Variants in ST3GAL6 observed in about 807,000 individuals in gnomAD.
ST3GAL6 encodes the protein type 2 lactosamine alpha-2,3-sialyltransferase.
Under a neutral mutation model 40.5 loss-of-function variants are expected in ST3GAL6, and 31 were observed. The observed-to-expected ratio is 0.77, with a 90% CI of 0.58 to 1.03. ST3GAL6 has a LOEUF of 1.03. Ranked by LOEUF, ST3GAL6 falls within the 50% of genes least tolerant of loss-of-function variation. The pLI is 0.00. For missense variants in ST3GAL6, 357 were observed against 393.2 expected (o/e 0.91, Z 0.78); for synonymous variants, 129 against 136.9 (o/e 0.94, Z 0.40).
chr3:98,775,035 A>T (rs894589031), intron 5 of ST3GAL6, among the ~76,000 whole-genome samples: 2 of 152,132 alleles, frequency 1.3e-5, no homozygotes, highest in Non-Finnish European at 2.9e-5. Context: ...CAGACCTTTC[A>T]CATATGTGCT....
chr3:98,737,192 G>T (rs548119399), intron 1 of ST3GAL6, among the ~76,000 whole-genome samples: 4 of 152,176 alleles, frequency 2.6e-5, no homozygotes, highest in African/African-American at 9.6e-5. Context: ...GGGATTACAG[G>T]CATGCACCAC....
At chr3:98,754,684 T>C (rs2107357168) in intron 1 of ST3GAL6, among the ~76,000 whole-genome samples, 1 of 152,258 alleles carries the variant, frequency 6.6e-6, no homozygotes, top group East Asian at 1.9e-4. Context: ...GCAAACGTCA[T>C]TGTTTTATTT....
Position 98,788,328 on chromosome 3 carries a change from C to A in ST3GAL6, c.621C>A (p.Asn207Lys), listed in dbSNP as rs868758807. Residue 207 changes from asparagine to lysine, a missense_variant and splice_region_variant, in exon 8 of 10, where the codon AAC (asparagine) becomes AAA (lysine). Coordinates refer to ENST00000483910, the MANE Select transcript of ST3GAL6 (RefSeq NM_001323368.2). ...LLELLMGDKI[N>K]TNGFWKKPAL... ...TTCTCTATATTTTTTACTTTCAGAA[C>A]ACTAATGGTTTTTGGAAGAAACCAG... The A allele has an allele frequency of 6.2e-7, 1 of 1,604,954 alleles. No homozygotes were observed. Among genetic ancestry groups the A allele is most frequent in the South Asian group, 1.1e-5 (1 of 89,180 alleles).
upstream of ST3GAL6, chr3:98,762,827 C>G: frequency 2.0e-6 from 2 of 985,406 alleles, no homozygotes; most frequent in Non-Finnish European, 2.4e-6. Context: ...TTAAACATAT[C>G]TAGCATGGGG....
At chr3:98,791,351 A>C (rs1198240756) in intron 8 of ST3GAL6, among the ~76,000 whole-genome samples, 5 of 152,198 alleles carry the variant, frequency 3.3e-5, no homozygotes, top group Admixed American at 2.6e-4. Context: ...CCCTAGAGTT[A>C]GTTTAAATGG....
At chr3:98,761,021 A>G (rs1937699971), upstream of ST3GAL6, among the ~76,000 whole-genome samples, 1 of 152,196 alleles carries the variant, frequency 6.6e-6, no homozygotes, top group Non-Finnish European at 1.5e-5. Context: ...AAGCAAAACT[A>G]TAGTGATAGC....
intron 5 of ST3GAL6, among the ~76,000 whole-genome samples, chr3:98,778,195 C>A (rs945528700): frequency 6.6e-6 from 1 of 152,172 alleles, no homozygotes; most frequent in South Asian, 2.1e-4. Context: ...GACTAAAGCA[C>A]CTGTGTCAAG....
chr3:98,788,045 T>C lies in ST3GAL6; in HGVS notation c.441T>C (p.Asn147=), dbSNP rs1363653680. ...GTTTTACTATCCACAGAATGAATAATGGTCCTGTTTTAGGACATGAAGAAG... is the reference window on the plus strand; with the variant it reads ...GTTTTACTATCCACAGAATGAATAACGGTCCTGTTTTAGGACATGAAGAAG... ...DSYDVIIRMN[N]GPVLGHEEEV... The change falls in exon 7 of 10, where the codon AAT becomes AAC. Residue 147 remains asparagine (N), a synonymous_variant. Coordinates refer to ENST00000483910, the MANE Select transcript of ST3GAL6 (RefSeq NM_001323368.2). The C allele has an allele frequency of 2.5e-6, 4 of 1,612,748 alleles. No individual in the cohort carries two copies. The African/African-American group carries it at 4.0e-5, about 16-fold the overall frequency.
At chr3:98,786,248 A>G (rs1940693649) in intron 6 of ST3GAL6, among the ~76,000 whole-genome samples, 2 of 152,130 alleles carry the variant, frequency 1.3e-5, no homozygotes, top group Admixed American at 6.6e-5. Context: ...GAAGAGAGTG[A>G]GGACTGAGCC....
intron 8 of ST3GAL6, 106 bp from the exon 9 acceptor site, chr3:98,791,735 T>C (rs1646315318): frequency 1.9e-5 from 20 of 1,039,220 alleles, no homozygotes; most frequent in Non-Finnish European, 2.8e-5. Context: ...TCTCTCCTTA[T>C]TAAATGTTTA....
chr3:98,778,366 T>C (rs1939748923), intron 5 of ST3GAL6, among the ~76,000 whole-genome samples: 1 of 152,216 alleles, frequency 6.6e-6, no homozygotes. Context: ...ACATTAGTGG[T>C]GTATTTATTG....
At chr3:98,757,625 G>A (rs185099185) in intron 1 of ST3GAL6, among the ~76,000 whole-genome samples, 14 of 152,254 alleles carry the variant, frequency 9.2e-5, no homozygotes, top group African/African-American at 2.4e-4. Context: ...ACTCTAGTAC[G>A]TGCTTGGGTT....
chr3:98,758,083 C>T (rs1415985515), intron 1 of ST3GAL6, among the ~76,000 whole-genome samples: 2 of 152,222 alleles, frequency 1.3e-5, no homozygotes, highest in Non-Finnish European at 2.9e-5. Context: ...TAGTGACCCA[C>T]CTGCCTTGGC....
At chr3:98,788,009 A>C (rs769443461) in intron 6 of ST3GAL6, 27 bp from the exon 7 acceptor site, 1 of 1,596,058 alleles carries the variant, frequency 6.3e-7, no homozygotes, top group African/African-American at 1.3e-5. Flanking sequence ...CTTGGTCTAC[A>C]TATCTTGTAT....
chr3:98,789,119 G>A (rs568991645), intron 8 of ST3GAL6, among the ~76,000 whole-genome samples: 1 of 152,288 alleles, frequency 6.6e-6, no homozygotes, highest in Non-Finnish European at 1.5e-5. Context: ...TTTACTGGAA[G>A]CTTGAGTAAC....
At chr3:98,750,162 T>G (rs971764683) in intron 1 of ST3GAL6, among the ~76,000 whole-genome samples, 1 of 152,238 alleles carries the variant, frequency 6.6e-6, no homozygotes, top group Non-Finnish European at 1.5e-5. Context: ...AAATCACAAA[T>G]TCATTCATTC....
At chr3:98,739,954 T>G (rs1251090954) in intron 1 of ST3GAL6, among the ~76,000 whole-genome samples, 1 of 152,206 alleles carries the variant, frequency 6.6e-6, no homozygotes, top group East Asian at 1.9e-4. Context: ...TTAAAGGAGC[T>G]TTCTGTTGTA....
intron 1 of ST3GAL6, among the ~76,000 whole-genome samples, chr3:98,738,570 G>A (rs1935781829): frequency 6.6e-6 from 1 of 152,176 alleles, no homozygotes; most frequent in Non-Finnish European, 1.5e-5. Context: ...AAGCCACTGT[G>A]CCCAAACTCA....
rs1409623109 is a variant in ST3GAL6 at position 98,770,939 on chromosome 3, T to G, written c.150T>G (p.Ala50=). ...NKIQPCLSKP[A]FASLLRFHQF... is the part of the protein sequence containing the mutation. ...TCCAGCCTTGTTTATCAAAGCCAGCTTTTGCCTCTCTGCTGAGGTAAAAAT... is the reference window on the plus strand; with the variant it reads ...TCCAGCCTTGTTTATCAAAGCCAGCGTTTGCCTCTCTGCTGAGGTAAAAAT... The change falls in exon 3 of 10, where the codon GCT becomes GCG. Residue 50 remains alanine (A), a synonymous_variant. Transcript: ENST00000483910. 3.7e-6 allele frequency: 6 copies of G among 1,614,014 alleles called. No homozygotes were observed. Among genetic ancestry groups the G allele is most frequent in the Non-Finnish European group, 5.1e-6 (6 of 1,179,988 alleles).
Sources: allele counts gnomAD v4.1 joint callset (sites outside exome capture counted in the v4.1 genomes callset), GRCh38; gene constraint gnomAD v4.1.1; transcripts MANE v1.5; gene names NCBI Gene and HGNC (gene_info 2026-07-23, HGNC 2026-07-21).